AKAP19: variants seen among roughly 807,000 people sequenced by gnomAD.
The protein encoded by AKAP19 is small A-kinase anchoring protein.
the AKAP19 span, among the ~76,000 whole-genome samples, chr2:189,927,665 GTGTTTTTTCCCTA>G: frequency 6.6e-6 from 1 of 152,094 alleles, no homozygotes; most frequent in African/African-American, 2.4e-5. Context: ...AAACAGTTCA[GTGTTTTTTCCCTA>G]AAAATAAGGA....
chr2:189,916,568 C>T, the AKAP19 span, among the ~76,000 whole-genome samples: 5 of 152,026 alleles, frequency 3.3e-5, no homozygotes, highest in African/African-American at 7.2e-5. Flanking sequence ...ATGATCCACC[C>T]GCCTCGGCCT....
chr2:189,927,543 T>G, the AKAP19 span, among the ~76,000 whole-genome samples: 3 of 152,326 alleles, frequency 2.0e-5, no homozygotes, highest in East Asian at 5.8e-4. Flanking sequence ...CTGTATACAC[T>G]TCACCCAGAT....
At chr2:190,041,826 T>C in the AKAP19 span, among the ~76,000 whole-genome samples, 1 of 152,230 alleles carries the variant, frequency 6.6e-6, no homozygotes, top group Non-Finnish European at 1.5e-5. Flanking sequence ...ATTTGTTGAT[T>C]TGCATACATT....
chr2:189,984,222 C>G, the AKAP19 span, among the ~76,000 whole-genome samples: 1 of 152,172 alleles, frequency 6.6e-6, no homozygotes, highest in Admixed American at 6.5e-5. Context: ...CCTGGGAGCA[C>G]TATGGGAGAC....
the AKAP19 span, among the ~76,000 whole-genome samples, chr2:190,084,513 A>AT: frequency 1.6e-3 from 249 of 152,210 alleles, 1 homozygote; most frequent in African/African-American, 5.5e-3. Context: ...CTTATTGACT[A>AT]TTTTTTTGAG....
At chr2:190,172,839 G>A in the AKAP19 span, among the ~76,000 whole-genome samples, 1 of 152,100 alleles carries the variant, frequency 6.6e-6, no homozygotes, top group Non-Finnish European at 1.5e-5. Flanking sequence ...ATGGCCAAGT[G>A]CAGTGGCTCA....
At chr2:189,970,494 T>A in the AKAP19 span, among the ~76,000 whole-genome samples, 1 of 152,228 alleles carries the variant, frequency 6.6e-6, no homozygotes, top group Non-Finnish European at 1.5e-5. Flanking sequence ...ATGTATGTAT[T>A]CTTCCACAGC....
chr2:189,996,594 A>G, the AKAP19 span, among the ~76,000 whole-genome samples: 1 of 152,082 alleles, frequency 6.6e-6, no homozygotes, highest in East Asian at 1.9e-4. Flanking sequence ...TTCATCTGGT[A>G]ATTCAGAGAT....
At chr2:189,897,403 CT>C in the AKAP19 span, among the ~76,000 whole-genome samples, 111 of 152,160 alleles carry the variant, frequency 7.3e-4, 1 homozygote, top group East Asian at 0.016. Context: ...TTACAGTTAA[CT>C]TTCTATTAAG....
At chr2:190,134,553 A>G in the AKAP19 span, among the ~76,000 whole-genome samples, 25 of 152,160 alleles carry the variant, frequency 1.6e-4, no homozygotes, top group East Asian at 4.4e-3. Flanking sequence ...TCTTATAATT[A>G]TTTACAGAGA....
At chr2:189,894,638 C>T in the AKAP19 span, among the ~76,000 whole-genome samples, 129 of 151,206 alleles carry the variant, frequency 8.5e-4, no homozygotes, top group African/African-American at 3.0e-3. Flanking sequence ...TTTAGTTTTC[C>T]TCTTAAATAT....
the AKAP19 span, among the ~76,000 whole-genome samples, chr2:189,953,224 C>T: frequency 3.3e-5 from 5 of 151,868 alleles, no homozygotes; most frequent in Non-Finnish European, 4.4e-5. Flanking sequence ...TAATATAATC[C>T]GAATATGTAG....
chr2:190,032,688 G>A, the AKAP19 span, among the ~76,000 whole-genome samples: 1 of 151,640 alleles, frequency 6.6e-6, no homozygotes, highest in Non-Finnish European at 1.5e-5. Flanking sequence ...TCCCACAGTG[G>A]CTCCCCTTAT....
chr2:190,037,042 A>G, the AKAP19 span, among the ~76,000 whole-genome samples: 1 of 152,354 alleles, frequency 6.6e-6, no homozygotes, highest in East Asian at 1.9e-4. Context: ...ATTTTCAGAG[A>G]AGGCCAAATA....
At chr2:190,200,376 G>A in the AKAP19 span, 7 of 476,278 alleles carry the variant, frequency 1.5e-5, no homozygotes, top group Middle Eastern at 5.9e-4. Flanking sequence ...GCTGAACAGA[G>A]GTCCTGTGAC....
the AKAP19 span, among the ~76,000 whole-genome samples, chr2:189,999,658 C>T: frequency 1.3e-5 from 2 of 148,660 alleles, no homozygotes; most frequent in African/African-American, 5.1e-5. Context: ...TTTTATTCTG[C>T]TTCTGACTAG....
At chr2:190,042,803 T>A in the AKAP19 span, among the ~76,000 whole-genome samples, 5 of 152,236 alleles carry the variant, frequency 3.3e-5, no homozygotes, top group Non-Finnish European at 7.3e-5. Flanking sequence ...GGTCTGCATG[T>A]ATAAGTGTGT....
At chr2:189,962,542 T>C in the AKAP19 span, among the ~76,000 whole-genome samples, 270 of 152,280 alleles carry the variant, frequency 1.8e-3, 1 homozygote, top group African/African-American at 6.1e-3. Flanking sequence ...ACGTGAGTTC[T>C]CCTAAACAAA....
the AKAP19 span, among the ~76,000 whole-genome samples, chr2:189,894,796 GTCTTT>G: frequency 2.0e-5 from 3 of 151,332 alleles, no homozygotes; most frequent in East Asian, 3.9e-4. Context: ...AGTTTTTGAT[GTCTTT>G]TCTTAAAATG....
Sources: gnomAD v4.1 joint callset for allele counts (sites outside exome capture counted in the v4.1 genomes callset) on GRCh38, gnomAD v4.1.1 for gene constraint, MANE v1.5 for transcripts, NCBI Gene and HGNC (gene_info 2026-07-23, HGNC 2026-07-21) for gene names.